USH2A: variants seen among roughly 807,000 people sequenced by gnomAD.
The protein encoded by USH2A is usherin, also known as Usher syndrome 2A (autosomal recessive, mild).
USH2A carries 443 observed loss-of-function variants against 538.9 expected under a neutral mutation model. The observed-to-expected ratio is 0.82, with a 90% CI of 0.76 to 0.89. The LOEUF is 0.89. Among genes scored for constraint, USH2A ranks in the 40% least tolerant of loss-of-function variants. USH2A has a pLI of 0.00. For synonymous variants in USH2A, 2,413 were observed against 2,273.5 expected (o/e 1.06, Z -1.75); for missense variants, 6,633 against 6,324.8 (o/e 1.05, Z -1.65).
At chr1:216,241,494 G>C (rs896596659) in intron 13 of USH2A, among the ~76,000 whole-genome samples, 8 of 151,244 alleles carry the variant, frequency 5.3e-5, no homozygotes, top group Admixed American at 6.6e-5. Context: ...TCTTTTCCTG[G>C]CTCTTTTTTT....
intron 59 of USH2A, among the ~76,000 whole-genome samples, chr1:215,741,951 A>G: frequency 6.6e-6 from 1 of 152,210 alleles, no homozygotes; most frequent in Non-Finnish European, 1.5e-5. Context: ...ACTCATGAAC[A>G]TTATTCAAAC....
At chr1:215,756,520 A>G (rs1660798217) in intron 58 of USH2A, among the ~76,000 whole-genome samples, 1 of 152,176 alleles carries the variant, frequency 6.6e-6, no homozygotes, top group Non-Finnish European at 1.5e-5. Context: ...TCTAAATCTA[A>G]AACTTTCTTG....
At chr1:215,928,318 T>C (rs1666286828) in intron 38 of USH2A, among the ~76,000 whole-genome samples, 1 of 152,182 alleles carries the variant, frequency 6.6e-6, no homozygotes, top group East Asian at 1.9e-4. Context: ...ACATCAAAAT[T>C]AATTGTCATG....
intron 11 of USH2A, among the ~76,000 whole-genome samples, chr1:216,251,438 T>TC (rs1469144646): frequency 3.1e-5 from 4 of 130,674 alleles, no homozygotes; most frequent in East Asian, 2.4e-4. Flanking sequence ...GGACACCACT[T>TC]CCCCTTTTTT....
At chr1:216,265,763 G>A (rs1021159764) in intron 11 of USH2A, among the ~76,000 whole-genome samples, 6 of 151,934 alleles carry the variant, frequency 3.9e-5, no homozygotes, top group African/African-American at 7.2e-5. Context: ...TGTTTAGCCC[G>A]GAAGACATTA....
chr1:216,281,552 G>A (rs2036776275), intron 11 of USH2A, among the ~76,000 whole-genome samples: 1 of 152,074 alleles, frequency 6.6e-6, no homozygotes, highest in Non-Finnish European at 1.5e-5. Flanking sequence ...GCAGGTACCA[G>A]TAATTTCTTT....
At chr1:216,056,914 A>G (rs567447414) in intron 30 of USH2A, among the ~76,000 whole-genome samples, 2 of 152,236 alleles carry the variant, frequency 1.3e-5, no homozygotes, top group Non-Finnish European at 2.9e-5. Flanking sequence ...GGTAGAAAAC[A>G]GAAAAGTCTG....
rs1458851498 is a variant in USH2A, at chr1:216,418,521, C to G, written c.644G>C (p.Ser215Thr). Residue 215 changes from serine to threonine, a missense_variant, in exon 3 of 72, where the codon AGT becomes ACT. Transcript: ENST00000307340. ...ATTTTTTATTTTACTCACCTGCACA[C>G]TAAGATGAATCCATTTCTTCACAAG... The part of the protein sequence containing the change: ...RILVKKWIHL[S>T]VQVHQTKISF... 6.2e-7 allele frequency: 1 copy of G among 1,613,006 alleles called. No homozygotes were observed. The highest frequency in any genetic ancestry group is 8.5e-7 in the Non-Finnish European group (1 of 1,179,432).
chr1:215,816,948 G>A (rs567992813), intron 48 of USH2A, 49 bp downstream of exon 48: 2 of 1,580,662 alleles, frequency 1.3e-6, no homozygotes, highest in Non-Finnish European at 1.7e-6. Flanking sequence ...TTCACTTGGA[G>A]TCTTGAGTGA....
intron 4 of USH2A, among the ~76,000 whole-genome samples, chr1:216,328,602 T>G (rs562693940): frequency 1.3e-5 from 2 of 152,106 alleles, no homozygotes; most frequent in Admixed American, 6.6e-5. Flanking sequence ...TCTGTCTTGA[T>G]AGAGTTTTAA....
At chr1:215,698,192 G>A (rs1033763675) in intron 61 of USH2A, among the ~76,000 whole-genome samples, 1 of 152,150 alleles carries the variant, frequency 6.6e-6, no homozygotes, top group Non-Finnish European at 1.5e-5. Flanking sequence ...ATTCCATGGT[G>A]TATATGTACC....
chr1:215,747,069 A>G (rs1660491865), intron 58 of USH2A, among the ~76,000 whole-genome samples: 1 of 152,192 alleles, frequency 6.6e-6, no homozygotes, highest in Admixed American at 6.5e-5. Flanking sequence ...GAATGAACCA[A>G]CTGTAGGACA....
At chr1:215,688,857 A>G (rs1658514502) in intron 61 of USH2A, among the ~76,000 whole-genome samples, 1 of 152,106 alleles carries the variant, frequency 6.6e-6, no homozygotes, top group Non-Finnish European at 1.5e-5. Flanking sequence ...GAGGAACACA[A>G]TCCATTTCAT....
intron 43 of USH2A, among the ~76,000 whole-genome samples, chr1:215,874,322 C>T (rs1000055412): frequency 5.9e-5 from 9 of 152,068 alleles, no homozygotes; most frequent in South Asian, 2.1e-4. Flanking sequence ...ATACGGAATT[C>T]GTGTCTACAC....
chr1:216,102,506 G>T (rs2032606846), intron 21 of USH2A, among the ~76,000 whole-genome samples: 1 of 151,972 alleles, frequency 6.6e-6, no homozygotes, highest in East Asian at 1.9e-4. Context: ...TATTTATTAA[G>T]TTATACTTGT....
intron 9 of USH2A, among the ~76,000 whole-genome samples, chr1:216,298,845 T>A (rs1228257397): frequency 0.022 from 4 of 184 alleles, no homozygotes; most frequent in Non-Finnish European, 0.11. Context: ...GGAGAATACT[T>A]TTTTTTTTTT....
intron 2 of USH2A, among the ~76,000 whole-genome samples, chr1:216,419,555 G>A (rs142535714): frequency 2.8e-4 from 42 of 152,070 alleles, no homozygotes; most frequent in African/African-American, 9.2e-4. Flanking sequence ...GCTCAGGGTC[G>A]GTTGAGGGGT....
chr1:216,018,125 T>C (rs1164873195), intron 32 of USH2A, among the ~76,000 whole-genome samples: 1 of 152,198 alleles, frequency 6.6e-6, no homozygotes, highest in East Asian at 1.9e-4. Context: ...TACTGTATTA[T>C]TGGGTACATT....
chr1:215,783,352 T>C (rs974511393), intron 52 of USH2A, among the ~76,000 whole-genome samples: 5 of 152,166 alleles, frequency 3.3e-5, no homozygotes, highest in African/African-American at 1.2e-4. Context: ...TTTGTTAATA[T>C]TACTTAAAAA....
Sources: gnomAD v4.1 joint callset for allele counts (sites outside exome capture counted in the v4.1 genomes callset) on GRCh38, gnomAD v4.1.1 for gene constraint, MANE v1.5 for transcripts, NCBI Gene and HGNC (gene_info 2026-07-23, HGNC 2026-07-21) for gene names.